ARHGEF12: variants seen among roughly 807,000 people sequenced by gnomAD.
The protein encoded by ARHGEF12 is Rho guanine nucleotide exchange factor 12.
A neutral mutation model predicts 211.2 loss-of-function variants in ARHGEF12; 66 were observed. The ratio of observed to expected loss-of-function variants is 0.31; its 90% CI spans 0.26 to 0.38. ARHGEF12 has a LOEUF of 0.38. Ranked by LOEUF, ARHGEF12 falls within the 10% of genes least tolerant of loss-of-function variation. The pLI, the probability that ARHGEF12 is intolerant of heterozygous loss-of-function variation, is 1.00. For missense variants in ARHGEF12, 1,429 were observed against 1,869.5 expected, an observed-to-expected ratio of 0.76 and a Z score of 4.34; for synonymous variants, 592 against 638.4, an observed-to-expected ratio of 0.93 and a Z score of 1.09.
In ARHGEF12 at chr11:120,489,376, T is replaced by C. The variant is rs1274927023; in HGVS notation, c.*4299T>C. 4.5e-6 allele frequency: 1 copy of C among 224,406 alleles called. No homozygotes were observed. Among genetic ancestry groups the C allele is most frequent in the Admixed American group, 5.7e-5 (1 of 17,466 alleles). 13.9% of individuals were successfully genotyped at this position (224,406 alleles called of 1,614,324 possible). On this transcript the variant is annotated 3_prime_UTR_variant, in exon 41 of 41. Coordinates refer to ENST00000397843, the MANE Select transcript of ARHGEF12 (RefSeq NM_015313.3). ...ATATATATAACAAAATTTGCTATTG[T>C]AACTATTTTTAAGTATAAAGTTCAG...
intron 1 of ARHGEF12, among the ~76,000 whole-genome samples, chr11:120,349,562 AT>A (rs1044103298): frequency 2.0e-5 from 3 of 152,112 alleles, no homozygotes; most frequent in African/African-American, 7.2e-5. Context: ...GGTGTGTTGC[AT>A]TTGTTCTGTT....
chr11:120,470,736 T>C (rs1204503029), intron 30 of ARHGEF12, among the ~76,000 whole-genome samples: 2 of 152,206 alleles, frequency 1.3e-5, no homozygotes, highest in Admixed American at 6.5e-5. Context: ...GTAGCAATAT[T>C]TATCTAAATT....
intron 29 of ARHGEF12, 125 bp downstream of exon 29, chr11:120,467,433 C>CTTT (rs370225155): frequency 7.0e-4 from 212 of 302,420 alleles, no homozygotes; most frequent in South Asian, 1.5e-3. Context: ...ACAAGATTTT[C>CTTT]TTTTTTTTTT....
intron 15 of ARHGEF12, among the ~76,000 whole-genome samples, chr11:120,442,425 T>C (rs1280144259): frequency 2.3e-5 from 3 of 130,592 alleles, no homozygotes; most frequent in Admixed American, 1.5e-4. Context: ...TATATATATA[T>C]ATACACACAC....
chr11:120,373,477 T>C (rs1943642782), intron 1 of ARHGEF12, among the ~76,000 whole-genome samples: 1 of 152,230 alleles, frequency 6.6e-6, no homozygotes, highest in Admixed American at 6.5e-5. Flanking sequence ...CACTGCTGTG[T>C]TCCCAACACC....
chr11:120,406,707 C>T (rs1300458463), intron 2 of ARHGEF12, among the ~76,000 whole-genome samples: 4 of 152,068 alleles, frequency 2.6e-5, no homozygotes, highest in South Asian at 2.1e-4. Context: ...TACAGGCGCC[C>T]GCCACCACGC....
intron 7 of ARHGEF12, among the ~76,000 whole-genome samples, chr11:120,424,940 T>C (rs1945293815): frequency 6.6e-6 from 1 of 152,172 alleles, no homozygotes; most frequent in African/African-American, 2.4e-5. Flanking sequence ...AGAGTAGCGA[T>C]CTTCTCTTGG....
At chr11:120,394,885 C>T (rs1944327715) in intron 1 of ARHGEF12, among the ~76,000 whole-genome samples, 1 of 151,260 alleles carries the variant, frequency 6.6e-6, no homozygotes, top group African/African-American at 2.4e-5. Context: ...TGGTGAGACC[C>T]CATCTTTACT....
rs564038881 is a variant in ARHGEF12, at chr11:120,353,227, G to T, written c.32+15952G>T. ...AGGGTCATCAATCTTAGAACTTGAG[G>T]TCTGTCTCAGAACCTTCATGCGAAA... On this transcript the variant is annotated intron_variant, in intron 1 of 40. Coordinates refer to ENST00000397843, the MANE Select transcript of ARHGEF12 (RefSeq NM_015313.3). Among the ~76,000 whole-genome samples the T allele has an allele frequency of 3.9e-3, 590 of 152,334 alleles. 2 individuals carry two copies. Among genetic ancestry groups the T allele is most frequent in the Non-Finnish European group, 6.8e-3 (461 of 68,034 alleles).
chr11:120,370,016 C>T (rs145140099), intron 1 of ARHGEF12, among the ~76,000 whole-genome samples: 188 of 152,200 alleles, frequency 1.2e-3, no homozygotes, highest in African/African-American at 4.2e-3. Context: ...TGTTATGTAT[C>T]TTCAAACATT....
intron 1 of ARHGEF12, among the ~76,000 whole-genome samples, chr11:120,387,298 A>C (rs1944067298): frequency 6.6e-6 from 1 of 152,020 alleles, no homozygotes; most frequent in South Asian, 2.1e-4. Context: ...TACATACAAT[A>C]TACATTTATT....
chr11:120,383,013 C>T (rs747210102), intron 1 of ARHGEF12, among the ~76,000 whole-genome samples: 2 of 152,170 alleles, frequency 1.3e-5, no homozygotes, highest in Non-Finnish European at 1.5e-5. Context: ...GTGGCGGGCG[C>T]CTGTGGTCCC....
chr11:120,453,562 G>T (rs1053365718), intron 22 of ARHGEF12, among the ~76,000 whole-genome samples: 3 of 151,330 alleles, frequency 2.0e-5, no homozygotes, highest in Admixed American at 6.6e-5. Context: ...TACAAAAAAT[G>T]AAGAAGTCAG....
intron 27 of ARHGEF12, chr11:120,464,984 C>T (rs889349467): frequency 2.2e-4 from 84 of 376,938 alleles, no homozygotes; most frequent in Admixed American, 3.1e-4. Flanking sequence ...CCAGCCTGGG[C>T]GACAGAGCAA....
chr11:120,469,415 G>A (rs764024653), intron 30 of ARHGEF12, 27 bp downstream of exon 30: 2 of 1,531,524 alleles, frequency 1.3e-6, no homozygotes, highest in South Asian at 1.1e-5. Flanking sequence ...AGAAGGTACA[G>A]GATGACATTG....
chr11:120,433,885 G>C (rs1443320127), intron 11 of ARHGEF12, among the ~76,000 whole-genome samples: 8 of 152,176 alleles, frequency 5.3e-5, no homozygotes, highest in African/African-American at 1.7e-4. Flanking sequence ...TTGAACCAGG[G>C]AGGCGGAGGT....
intron 1 of ARHGEF12, among the ~76,000 whole-genome samples, chr11:120,342,144 T>C (rs118065085): frequency 2.0e-4 from 30 of 152,294 alleles, no homozygotes; most frequent in Non-Finnish European, 3.8e-4. Flanking sequence ...TTTTAAATTA[T>C]TGTCTTTCTT....
intron 1 of ARHGEF12, among the ~76,000 whole-genome samples, chr11:120,373,695 C>T (rs1372453570): frequency 6.6e-6 from 1 of 151,114 alleles, no homozygotes; most frequent in African/African-American, 2.4e-5. Context: ...TGTTTTTTTC[C>T]CCCTTCTATG....
intron 1 of ARHGEF12, among the ~76,000 whole-genome samples, chr11:120,340,171 C>T (rs1456102852): frequency 6.6e-6 from 1 of 152,184 alleles, no homozygotes; most frequent in Non-Finnish European, 1.5e-5. Flanking sequence ...ACATCCTAAT[C>T]GTTTCCAATC....
Sources: allele counts gnomAD v4.1 joint callset (sites outside exome capture counted in the v4.1 genomes callset), GRCh38; gene constraint gnomAD v4.1.1; transcripts MANE v1.5; gene names NCBI Gene and HGNC (gene_info 2026-07-23, HGNC 2026-07-21).